MOV10: variants seen among roughly 807,000 people sequenced by gnomAD.
The protein encoded by MOV10 is RNA helicase MOV-10.
Under a neutral mutation model 108.4 loss-of-function variants are expected in MOV10, and 39 were observed. The observed-to-expected ratio is 0.36, with a 90% CI of 0.28 to 0.47. MOV10 has a LOEUF of 0.47. MOV10 is among the 20% of genes least tolerant of loss of function. The pLI is 1.00. For missense variants in MOV10, 952 were observed against 1,297.6 expected (o/e 0.73, Z 4.09); for synonymous variants, 490 against 523.1 (o/e 0.94, Z 0.86).
chr1:112,698,402 T>C lies in MOV10; in HGVS notation c.2432T>C (p.Leu811Pro), dbSNP rs1570811632. 1 of 1,614,218 alleles carries C rather than the reference T, an allele frequency of 6.2e-7. No individual in the cohort carries two copies. The highest frequency in any genetic ancestry group is 8.5e-7 in the Non-Finnish European group (1 of 1,180,024). The change falls in exon 16 of 21, where the codon CTG (leucine) becomes CCG (proline). Residue 811 changes from leucine (L) to proline (P), a missense_variant. Physicochemically the swap from Leu to Pro is moderately conservative, Grantham distance 98. This residue lies in a region of MOV10 where 453 missense variants were observed against 611.5 expected (regional missense o/e 0.74). Transcript: ENST00000369645. ...GTGACTTCCTACCTGAAGCTGCTCC[T>C]GGCCCCCTCCTCCAAGAAGGGCAAA... is the stretch of plus-strand genomic sequence containing the variant. ...ATVTSYLKLLLAPSSKKGKAR... is the reference protein window; with the variant it reads ...ATVTSYLKLLPAPSSKKGKAR...
At chr1:112,683,103 A>G (rs1416091360) in intron 2 of MOV10, among the ~76,000 whole-genome samples, 1 of 146,946 alleles carries the variant, frequency 6.8e-6, no homozygotes, top group Non-Finnish European at 1.5e-5. Context: ...TTTTTTTTGT[A>G]GAGACGGGGT....
At chr1:112,697,123 C>T (rs2101416583) in intron 14 of MOV10, among the ~76,000 whole-genome samples, 1 of 152,044 alleles carries the variant, frequency 6.6e-6, no homozygotes, top group Admixed American at 6.6e-5. Context: ...GGTACCAGTC[C>T]CAGATGAAGT....
At position 112,696,151 on chromosome 1, in the gene MOV10, T is replaced by C; in HGVS notation, c.1783T>C (p.Cys595Arg). The C allele has an allele frequency of 6.2e-7, 1 of 1,611,410 alleles. No individual in the cohort carries two copies. Among genetic ancestry groups the C allele is most frequent in the Non-Finnish European group, 8.5e-7 (1 of 1,178,398 alleles). The change falls in exon 12 of 21, where the codon TGC (cysteine) becomes CGC (arginine). Residue 595 changes from cysteine (C) to arginine (R), a missense_variant. By Grantham distance (180) the Cys-to-Arg change is radical. Coordinates refer to ENST00000369645, the MANE Select transcript of MOV10 (RefSeq NM_001321324.2). ...CTGGTCCCTTCACAATCCACAGCCC[T>C]GCTGCAACTGGGACGCAAAGAAGGG... ...IRMVPEDIKP[C>R]CNWDAKKGEY...
chr1:112,699,363 A>T, intron 17 of MOV10: 2 of 805,362 alleles, frequency 2.5e-6, no homozygotes, highest in South Asian at 2.6e-5. Context: ...AGGGTTGTAT[A>T]TTCTTAACAG....
Position 112,694,800 on chromosome 1 carries a change from G to C in MOV10, c.1524G>C (p.Arg508Ser). The change falls in exon 10 of 21, where the codon AGG becomes AGC. Residue 508 changes from arginine (R) to serine (S), a missense_variant. By Grantham distance (110) the Arg-to-Ser change is moderately radical. This residue lies in a region of MOV10 where 453 missense variants were observed against 611.5 expected (regional missense o/e 0.74). Coordinates refer to ENST00000369645, the MANE Select transcript of MOV10 (RefSeq NM_001321324.2). This position sits in a 1 kb window ranked among gnomAD's most constrained non-coding sequence, Gnocchi z 4.1. ...ACCCAGAGCAGCTGCAGGCCATGAG[G>C]CACATTGTTACGGGCACCACCCGTC... ...ESNPEQLQAM[R>S]HIVTGTTRPA... 6.2e-7 allele frequency: 1 copy of C among 1,614,134 alleles called. No homozygotes were observed. Among genetic ancestry groups the C allele is most frequent in the Non-Finnish European group, 8.5e-7 (1 of 1,180,028 alleles).
chr1:112,695,289 G>A, intron 10 of MOV10, 127 bp from the exon 11 acceptor site: 1 of 918,808 alleles, frequency 1.1e-6, no homozygotes, highest in Non-Finnish European at 1.7e-6. Flanking sequence ...TGTTGTACGG[G>A]TAGGGCACTG....
At chr1:112,693,398 A>AC (rs1395673532) in intron 7 of MOV10, among the ~76,000 whole-genome samples, 1 of 152,166 alleles carries the variant, frequency 6.6e-6, no homozygotes, top group African/African-American at 2.4e-5. Context: ...TTGTTTTGAG[A>AC]CAGGGTCTCA....
At chr1:112,697,901 A>G (rs1175027986) in intron 14 of MOV10, 93 bp from the exon 15 acceptor site, 3 of 992,060 alleles carry the variant, frequency 3.0e-6, no homozygotes, top group East Asian at 2.4e-5. Flanking sequence ...GTAGCAGGCT[A>G]TTGTGTGTGG....
Position 112,695,589 on chromosome 1 carries a change from C to T in MOV10, c.1779+15C>T, listed in dbSNP as rs1238298773. The T allele has an allele frequency of 6.2e-7, 1 of 1,611,296 alleles. No homozygotes were observed. Among genetic ancestry groups the T allele is most frequent in the South Asian group, 1.1e-5 (1 of 90,744 alleles). ...AGGACATCAAGGTACTAGGGAAGTGCAGAGGGCCAAAGAATGGCAAATGCC... is the reference window on the plus strand; with the variant it reads ...AGGACATCAAGGTACTAGGGAAGTGTAGAGGGCCAAAGAATGGCAAATGCC... On this transcript the variant is annotated intron_variant, in intron 11 of 20. Transcript: ENST00000369645.
intron 16 of MOV10, 98 bp from the exon 17 acceptor site, chr1:112,698,617 C>T (rs556113685): frequency 1.4e-6 from 2 of 1,456,784 alleles, no homozygotes; most frequent in Middle Eastern, 1.8e-4. Flanking sequence ...AGGTCAGCTG[C>T]CGCCTCCCTT....
At chr1:112,689,686 G>T in intron 4 of MOV10, 36 bp downstream of exon 4, 1 of 1,601,402 alleles carries the variant, frequency 6.2e-7, no homozygotes, top group Non-Finnish European at 8.5e-7. Context: ...CTGGTGGACA[G>T]GGGCTTGTCC....
rs1157247856 is a variant in MOV10, at chr1:112,675,355, G to T, written c.137+306G>T. 2.0e-5 allele frequency among the ~76,000 whole-genome samples: 3 copies of T among 152,148 alleles called. No homozygotes were observed. Among genetic ancestry groups the T allele is most frequent in the Non-Finnish European group, 2.9e-5 (2 of 67,998 alleles). On this transcript the variant is annotated intron_variant, in intron 2 of 20. Transcript: ENST00000369645. This position sits in a 1 kb window ranked among gnomAD's most constrained non-coding sequence, Gnocchi z 4.7. ...CGGGAGCTGCGTCCCGCGTCCATGCGCCGCTCGCGGGGGCTGAGGGACAGC... is the reference window on the plus strand; with the variant it reads ...CGGGAGCTGCGTCCCGCGTCCATGCTCCGCTCGCGGGGGCTGAGGGACAGC...
At chr1:112,681,669 C>T (rs1188718067) in intron 2 of MOV10, among the ~76,000 whole-genome samples, 2 of 152,070 alleles carry the variant, frequency 1.3e-5, no homozygotes, top group Non-Finnish European at 2.9e-5. Flanking sequence ...TGAACATCCA[C>T]ATACCCTTAC....
chr1:112,677,617 C>T (rs187980938), intron 2 of MOV10, among the ~76,000 whole-genome samples: 1 of 152,072 alleles, frequency 6.6e-6, no homozygotes, highest in Non-Finnish European at 1.5e-5. Context: ...ATTATGCTAG[C>T]CACGCAAATG....
chr1:112,680,919 T>A (rs1570755036), intron 2 of MOV10, among the ~76,000 whole-genome samples: 1 of 151,480 alleles, frequency 6.6e-6, no homozygotes, highest in African/African-American at 2.4e-5. Flanking sequence ...GTCAGGCTGG[T>A]CTTGAATTCC....
In MOV10 at chr1:112,700,390, A is replaced by G. The variant is rs766778217; in HGVS notation, c.2921-26A>G. The G allele has an allele frequency of 2.5e-6, 4 of 1,613,834 alleles. No individual in the cohort carries two copies. In the Admixed American group the frequency reaches 6.7e-5, roughly 27 times the overall value. ...AGTGCCAGAGGAGGTGGTAAGGAAG[A>G]CACAGTGTACTTTCTCTCTTTCCAG... On this transcript the variant is annotated intron_variant, in intron 20 of 20. Transcript: ENST00000369645.
rs769053734 is a variant in MOV10, at chr1:112,689,049, C to A, written c.252C>A (p.Asp84Glu). 3 of 1,612,546 alleles carry A rather than the reference C, an allele frequency of 1.9e-6. No homozygotes were observed. In the East Asian group the frequency reaches 6.7e-5, roughly 36 times the overall value. The change falls in exon 3 of 21, where the codon GAC becomes GAA. Residue 84 changes from aspartate to glutamate, a missense_variant. By Grantham distance (45) the Asp-to-Glu change is conservative. Coordinates refer to ENST00000369645, the MANE Select transcript of MOV10 (RefSeq NM_001321324.2). ...TCTTCAGACTCGACCGCTGGGCCGA[C>A]GTGCGGTTCCCAGAAAAGAGGAGAA... The part of the protein sequence containing the change: ...VRFFRLDRWA[D>E]VRFPEKRRMK...
chr1:112,697,519 G>C (rs574935519), intron 14 of MOV10, among the ~76,000 whole-genome samples: 51 of 152,112 alleles, frequency 3.4e-4, no homozygotes, highest in Non-Finnish European at 6.0e-4. Context: ...TAAACCTATT[G>C]TTATTCAAAT....
chr1:112,680,256 A>G (rs1482474408), intron 2 of MOV10, among the ~76,000 whole-genome samples: 1 of 152,144 alleles, frequency 6.6e-6, no homozygotes, highest in Non-Finnish European at 1.5e-5. Flanking sequence ...GGAAAAACAT[A>G]CATCAAATAG....
Sources: gnomAD v4.1 joint callset for allele counts (sites outside exome capture counted in the v4.1 genomes callset) on GRCh38, gnomAD v4.1.1 for gene constraint, gnomAD v4.1.1 regional missense constraint, Gnocchi (gnomAD v3.1) non-coding constraint, MANE v1.5 for transcripts, NCBI Gene and HGNC (gene_info 2026-07-23, HGNC 2026-07-21) for gene names.